The following TBC1D32 variants were observed in gnomAD, a reference collection of about 807,000 sequenced individuals.
TBC1D32 encodes protein broad-minded.
In TBC1D32, 151 loss-of-function variants were observed where a neutral mutation model predicts 170.3. The ratio of observed to expected loss-of-function variants is 0.89; its 90% confidence interval spans 0.78 to 1.01. TBC1D32 has a LOEUF of 1.01. Among genes scored for constraint, TBC1D32 ranks in the 50% least tolerant of loss-of-function variants. The probability of loss-of-function intolerance (pLI) is 0.00; values close to 1 mark genes in which losing one functional copy is unlikely to be tolerated. For missense variants in TBC1D32, 1,464 were observed against 1,457.1 expected (o/e 1.00, Z -0.08); for synonymous variants, 498 against 488.0 (o/e 1.02, Z -0.27).
At chr6:121,307,932 G>A in intron 5 of TBC1D32, 44 bp downstream of exon 5, 4 of 1,570,662 alleles carry the variant, frequency 2.5e-6, no homozygotes, top group Non-Finnish European at 1.7e-6. Context: ...CCAGAATGGT[G>A]GGAAAACAAA....
In TBC1D32 at chr6:121,162,456, A is replaced by G. The variant is rs74598054; in HGVS notation, c.2571-1400T>C. Among the ~76,000 whole-genome samples the G allele has an allele frequency of 9.9e-3, 1,508 of 152,300 alleles. 21 individuals are homozygous for G. Among genetic ancestry groups the G allele is most frequent in the African/African-American group, 0.034 (1,418 of 41,564 alleles). On this transcript the variant is annotated intron_variant, in intron 22 of 31. Transcript: ENST00000398212. ...CCCACAGACAGTATCATACTAAATG[A>G]GCAAAAGCTGTGAGCATTAGCCTTG...
rs116060561 is a variant in TBC1D32, at chr6:121,122,039, C to G, written c.2983+4339G>C. Among the ~76,000 whole-genome samples the G allele has an allele frequency of 5.2e-3, 785 of 151,972 alleles. 9 individuals carry two copies. Among genetic ancestry groups the G allele is most frequent in the African/African-American group, 0.018 (761 of 41,492 alleles). On this transcript the variant is annotated intron_variant, in intron 26 of 31. Transcript: ENST00000398212. The stretch of plus-strand genomic sequence containing the variant: ...AACAAAAAAGCCAGCACCTAATCTC[C>G]CCTTCCTTTCCTATTCTTCCTCTCA...
chr6:121,085,209 A>G (rs1776060078), intron 31 of TBC1D32, among the ~76,000 whole-genome samples: 2 of 135,432 alleles, frequency 1.5e-5, no homozygotes, highest in Non-Finnish European at 3.0e-5. Context: ...ATATATATAC[A>G]CATATATATA....
rs780461716 is a variant in TBC1D32, at chr6:121,080,788, T to C, written c.3757A>G (p.Arg1253Gly). 6.2e-7 allele frequency: 1 copy of C among 1,613,462 alleles called. No individual in the cohort carries two copies. Among genetic ancestry groups the C allele is most frequent in the Admixed American group, 1.7e-5 (1 of 59,882 alleles). ...TVLLRDMRNI[R>G]LQST ...CTCATGATCTATGTGCTCTGCAGTC[T>C]AATGTTCCGCATGTCTCTCAGCAGC... Residue 1253 changes from arginine to glycine, a missense_variant, in exon 32 of 32, where the codon AGA becomes GGA. Arg to Gly is a moderately radical substitution (Grantham distance 125). Transcript: ENST00000398212.
At chr6:121,206,359 C>G (rs1011027045) in intron 21 of TBC1D32, among the ~76,000 whole-genome samples, 7 of 152,028 alleles carry the variant, frequency 4.6e-5, no homozygotes, top group African/African-American at 1.7e-4. Flanking sequence ...ACTTGCTACT[C>G]TCCAGTGAGT....
intron 13 of TBC1D32, among the ~76,000 whole-genome samples, chr6:121,283,427 T>C (rs1447230242): frequency 6.6e-6 from 1 of 151,762 alleles, no homozygotes; most frequent in Non-Finnish European, 1.5e-5. Context: ...GTTTTGGATG[T>C]AAGCCAAAAC....
chr6:121,094,623 T>A (rs889441682), intron 30 of TBC1D32, among the ~76,000 whole-genome samples: 3 of 152,178 alleles, frequency 2.0e-5, no homozygotes, highest in Non-Finnish European at 2.9e-5. Flanking sequence ...GATAGAATAG[T>A]ACATGAACTA....
chr6:121,105,503 CA>C (rs1365797904), intron 30 of TBC1D32, among the ~76,000 whole-genome samples: 4 of 151,804 alleles, frequency 2.6e-5, no homozygotes, highest in African/African-American at 7.3e-5. Context: ...ACACCTCCAC[CA>C]ACGAAGGACT....
chr6:121,219,039 G>A (rs1397100628), intron 21 of TBC1D32, among the ~76,000 whole-genome samples: 2 of 152,126 alleles, frequency 1.3e-5, no homozygotes, highest in Non-Finnish European at 2.9e-5. Context: ...CTAATACAGG[G>A]AGGTTCCATT....
intron 24 of TBC1D32, among the ~76,000 whole-genome samples, chr6:121,143,727 T>G (rs890614142): frequency 6.6e-6 from 1 of 152,194 alleles, no homozygotes; most frequent in Admixed American, 6.6e-5. Flanking sequence ...ACCTTAAGCA[T>G]AGTATTTTTT....
intron 31 of TBC1D32, among the ~76,000 whole-genome samples, chr6:121,085,208 C>G (rs1582692720): frequency 7.4e-6 from 1 of 134,792 alleles, no homozygotes; most frequent in Non-Finnish European, 1.5e-5. Context: ...CATATATATA[C>G]ACATATATAT....
intron 24 of TBC1D32, among the ~76,000 whole-genome samples, chr6:121,138,844 T>C (rs570592662): frequency 6.7e-6 from 1 of 149,476 alleles, no homozygotes; most frequent in East Asian, 1.9e-4. Flanking sequence ...ACCATATTAT[T>C]TTTCTTTTTT....
Position 121,255,416 on chromosome 6 carries a change from A to G in TBC1D32, c.1936-6T>C, listed in dbSNP as rs756393573. 9.7e-6 allele frequency: 14 copies of G among 1,437,944 alleles called. No homozygotes were observed. Among genetic ancestry groups the G allele is most frequent in the Non-Finnish European group, 1.3e-5 (14 of 1,068,064 alleles). The allele number at this position is 1,437,944 out of a possible 1,614,324, so 89.1% of individuals were successfully genotyped here. ...CTTTCTGATAGCAAACTTGTCTAAA[A>G]AATAGTAGAATAATTTATATTGCTT... On this transcript the variant is annotated splice_polypyrimidine_tract_variant and splice_region_variant and intron_variant, in intron 16 of 31. Transcript: ENST00000398212.
intron 10 of TBC1D32, among the ~76,000 whole-genome samples, chr6:121,296,603 A>G (rs1335883034): frequency 1.2e-4 from 18 of 152,114 alleles, no homozygotes; most frequent in Admixed American, 1.1e-3. Flanking sequence ...TTCTAAATAA[A>G]GTATTTTGAG....
intron 22 of TBC1D32, among the ~76,000 whole-genome samples, chr6:121,185,869 T>C (rs1234079475): frequency 6.6e-6 from 1 of 152,040 alleles, no homozygotes; most frequent in Non-Finnish European, 1.5e-5. Flanking sequence ...CAGATGATCA[T>C]AGATATTGGT....
intron 26 of TBC1D32, among the ~76,000 whole-genome samples, chr6:121,118,104 G>C (rs895034654): frequency 6.6e-6 from 1 of 152,090 alleles, no homozygotes; most frequent in Non-Finnish European, 1.5e-5. Context: ...GAATGAATGA[G>C]TAAATGAATG....
At chr6:121,186,987 T>C (rs1429150014) in intron 22 of TBC1D32, among the ~76,000 whole-genome samples, 2 of 152,086 alleles carry the variant, frequency 1.3e-5, no homozygotes, top group Non-Finnish European at 1.5e-5. Context: ...ATATTAGTAC[T>C]GAATTATTAT....
intron 22 of TBC1D32, among the ~76,000 whole-genome samples, chr6:121,193,076 C>A: frequency 6.6e-6 from 1 of 152,124 alleles, no homozygotes; most frequent in East Asian, 1.9e-4. Flanking sequence ...AATCTCTATA[C>A]ACAGAAATCT....
At chr6:121,291,347 C>A (rs1264699791) in intron 12 of TBC1D32, among the ~76,000 whole-genome samples, 1 of 151,882 alleles carries the variant, frequency 6.6e-6, no homozygotes, top group African/African-American at 2.4e-5. Context: ...TACATTAATT[C>A]TTTTTTGTAC....
Sources: gnomAD v4.1 joint callset for allele counts (sites outside exome capture counted in the v4.1 genomes callset) on GRCh38, gnomAD v4.1.1 for gene constraint, MANE v1.5 for transcripts, NCBI Gene and HGNC (gene_info 2026-07-23, HGNC 2026-07-21) for gene names.